AXIN1: variants seen among roughly 807,000 people sequenced by gnomAD.
The protein encoded by AXIN1 is axin 1, also known as axin-1.
A neutral mutation model predicts 76.4 loss-of-function variants in AXIN1; 30 were observed. The observed-to-expected ratio is 0.39, with a 90% CI of 0.29 to 0.53. The LOEUF (loss-of-function observed/expected upper bound fraction) is 0.53, where lower values mean the gene tolerates loss of function less well. Ranked by LOEUF, AXIN1 falls within the 20% of genes least tolerant of loss-of-function variation. AXIN1 has a pLI of 0.66. For synonymous variants in AXIN1, 545 were observed against 501.4 expected (o/e 1.09, Z -1.16); for missense variants, 1,140 against 1,198.8 (o/e 0.95, Z 0.72).
In AXIN1 at chr16:293,771, G is replaced by T; in HGVS notation, c.1956-53C>A. The T allele has an allele frequency of 6.4e-7, 1 of 1,551,246 alleles. No homozygotes were observed. The highest frequency in any genetic ancestry group is 8.9e-7 in the Non-Finnish European group (1 of 1,128,750). On this transcript the variant is annotated intron_variant, in intron 7 of 10. Transcript: ENST00000262320. The surrounding 1 kb of genome is among the most constrained non-coding windows in gnomAD (Gnocchi z 4.6). ...CTGTGGCCGACACCCTGGCCAGGTGGCCTGGTGGGGCTACACTCATCTCAC... is the reference window on the plus strand; with the variant it reads ...CTGTGGCCGACACCCTGGCCAGGTGTCCTGGTGGGGCTACACTCATCTCAC...
At chr16:297,274 C>A (rs2141504999) in intron 6 of AXIN1, 48 bp from the exon 7 acceptor site, 2 of 1,598,620 alleles carry the variant, frequency 1.3e-6, no homozygotes, top group Non-Finnish European at 1.7e-6. Context: ...GTGGCCGAGG[C>A]TGTGCCCCTT....
intron 4 of AXIN1, among the ~76,000 whole-genome samples, chr16:307,517 T>C (rs1398953332): frequency 6.6e-6 from 1 of 152,188 alleles, no homozygotes; most frequent in African/African-American, 2.4e-5. Context: ...CCCCAACCTT[T>C]TGGCACCAGG....
At position 342,886 on chromosome 16, in the gene AXIN1, C is replaced by A. The variant is rs533109612; in HGVS notation, c.878+3262G>T. On this transcript the variant is annotated intron_variant, in intron 2 of 10. Transcript: ENST00000262320. ...ACCTGAGGCTCTGCCTCAACAGTGC[C>A]CTTCAGGGTTGGGCTCAGGTGGGTG... Among the ~76,000 whole-genome samples, 195 of 152,362 alleles carry A rather than the reference C, an allele frequency of 1.3e-3. 1 individual carries two copies. Among genetic ancestry groups the A allele is most frequent in the South Asian group, 6.8e-3 (33 of 4,832 alleles).
chr16:298,326 T>C (rs2141517680), intron 5 of AXIN1, 75 bp from the exon 6 acceptor site: 1 of 1,531,524 alleles, frequency 6.5e-7, no homozygotes. Flanking sequence ...GCATCAGGCC[T>C]GACCCAGCAG....
At chr16:296,999 G>A (rs553315049) in intron 7 of AXIN1, 57 bp downstream of exon 7, 29 of 1,582,834 alleles carry the variant, frequency 1.8e-5, no homozygotes, top group African/African-American at 4.0e-5. Flanking sequence ...GAGACTGTGC[G>A]GAGGCCAGGG....
chr16:308,807 G>A (rs2053096823), intron 4 of AXIN1, among the ~76,000 whole-genome samples: 1 of 152,202 alleles, frequency 6.6e-6, no homozygotes, highest in Admixed American at 6.5e-5. Flanking sequence ...GACACCATCA[G>A]TGCCTAGTTT....
At position 287,846 on chromosome 16, in the gene AXIN1, G is replaced by T; in HGVS notation, c.*276C>A. 1.8e-6 allele frequency: 1 copy of T among 542,792 alleles called. No homozygotes were observed. The highest frequency in any genetic ancestry group is 3.3e-6 in the Non-Finnish European group (1 of 299,516). 33.6% of individuals were successfully genotyped at this position (542,792 alleles called of 1,614,324 possible). On this transcript the variant is annotated 3_prime_UTR_variant, in exon 11 of 11. Coordinates refer to ENST00000262320, the MANE Select transcript of AXIN1 (RefSeq NM_003502.4). ...GGGGGATGGGGGGGGGTCACCTGAA[G>T]CTGGCAGCAGGGACCTCGGCTGCCT...
chr16:340,825 G>A (rs1407578333), intron 2 of AXIN1, among the ~76,000 whole-genome samples: 2 of 152,218 alleles, frequency 1.3e-5, no homozygotes, highest in East Asian at 1.9e-4. Flanking sequence ...CTGAGACAAA[G>A]ACCTAAGCAG....
intron 2 of AXIN1, among the ~76,000 whole-genome samples, chr16:331,230 A>C (rs2053684253): frequency 6.9e-6 from 1 of 144,442 alleles, no homozygotes; most frequent in Admixed American, 7.1e-5. Context: ...AGTTAAGGTA[A>C]AAATTCTGTA....
At chr16:313,764 G>A (rs1446153520) in intron 3 of AXIN1, among the ~76,000 whole-genome samples, 1 of 152,264 alleles carries the variant, frequency 6.6e-6, no homozygotes, top group African/African-American at 2.4e-5. Context: ...CTAATGGCTG[G>A]GGTGTACATA....
intron 1 of AXIN1, among the ~76,000 whole-genome samples, chr16:348,756 C>T (rs966845499): frequency 2.6e-5 from 4 of 152,038 alleles, no homozygotes; most frequent in African/African-American, 9.7e-5. Context: ...GAGCTATAAT[C>T]GCACCCCACT....
At chr16:333,505 C>T (rs553572052) in intron 2 of AXIN1, among the ~76,000 whole-genome samples, 14 of 150,738 alleles carry the variant, frequency 9.3e-5, no homozygotes, top group South Asian at 4.2e-4. Flanking sequence ...TTCTTCAGCA[C>T]GATGAAAGAA....
chr16:297,967 G>A lies in AXIN1; in HGVS notation c.1539C>T (p.His513=), dbSNP rs1005870799. The part of the protein sequence containing the change: ...PVALGGAASG[H]GKHVPKSGAK... ...CCCCTGACTTGGGTACGTGCTTCCC[G>A]TGCCCCGAGGCGGCACCCCCCAGTG... is the stretch of plus-strand genomic sequence containing the variant. Residue 513 remains histidine (H), a synonymous_variant, in exon 6 of 11, where the codon CAC becomes CAT. Transcript: ENST00000262320. 5 of 1,602,054 alleles carry A rather than the reference G, an allele frequency of 3.1e-6. No individual in the cohort carries two copies. Among genetic ancestry groups the A allele is most frequent in the Admixed American group, 1.7e-5 (1 of 59,820 alleles).
chr16:291,269 G>A lies in AXIN1; in HGVS notation c.2215C>T (p.Arg739Cys), dbSNP rs371093196. ...GCGCACGCTGGCCTGACGCAGGCGC[G>A]TCCCCGCCGCATAACCTCCTGCACA... Reference protein sequence around the residue: ...RYVQEVMRRGRACVRPACAPV... With the variant: ...RYVQEVMRRGCACVRPACAPV... The change falls in exon 9 of 11, where the codon CGC becomes TGC. Residue 739 changes from arginine to cysteine, a missense_variant. By Grantham distance (180) the Arg-to-Cys change is radical. Coordinates refer to ENST00000262320, the MANE Select transcript of AXIN1 (RefSeq NM_003502.4). The A allele has an allele frequency of 7.7e-5, 122 of 1,578,918 alleles. No homozygotes were observed. The East Asian group carries it at 1.7e-3, about 22-fold the overall frequency.
Position 303,836 on chromosome 16 carries a change from C to G in AXIN1, c.1254+468G>C, listed in dbSNP as rs565695897. Among the ~76,000 whole-genome samples, 5 of 152,356 alleles carry G rather than the reference C, an allele frequency of 3.3e-5. No individual in the cohort carries two copies. The South Asian group carries it at 1.0e-3, about 32-fold the overall frequency. On this transcript the variant is annotated intron_variant, in intron 5 of 10. Transcript: ENST00000262320. The stretch of plus-strand genomic sequence containing the variant: ...CACAAGTGCCTAGAGGGCCGTGCAC[C>G]ATGGCCTCAAGGAACCAAAAGTGAC...
intron 2 of AXIN1, among the ~76,000 whole-genome samples, chr16:315,967 C>T (rs560842290): frequency 6.2e-4 from 93 of 150,832 alleles, no homozygotes; most frequent in Middle Eastern, 3.4e-3. Context: ...GCAAGAGAAT[C>T]GCTTGAACCC....
At chr16:343,782 G>C (rs2053976203) in intron 2 of AXIN1, among the ~76,000 whole-genome samples, 1 of 151,890 alleles carries the variant, frequency 6.6e-6, no homozygotes, top group Non-Finnish European at 1.5e-5. Context: ...GGGAGGCTGA[G>C]ATCACTGGAG....
At position 346,422 on chromosome 16, in the gene AXIN1, G is replaced by C. The variant is rs2054035868; in HGVS notation, c.604C>G (p.Leu202Val). Reference sequence around the variant, plus strand: ...TATTCCAAATAAATATCAGACTTAAGGAAGGAGGGATAGGTGTTTTCCTCC... The same window carrying C: ...TATTCCAAATAAATATCAGACTTAACGAAGGAGGGATAGGTGTTTTCCTCC... The part of the protein sequence containing the change: ...TMEENTYPSF[L>V]KSDIYLEYTR... The change falls in exon 2 of 11, where the codon CTT (leucine) becomes GTT (valine). Residue 202 changes from leucine to valine, a missense_variant. Physicochemically the swap from Leu to Val is conservative, Grantham distance 32. Around this residue, in one of 3 missense-constraint regions of AXIN1, gnomAD observed 708 missense variants for 776.9 expected, o/e 0.91. Transcript: ENST00000262320. 2 of 1,614,066 alleles carry C rather than the reference G, an allele frequency of 1.2e-6. No individual in the cohort carries two copies. Among genetic ancestry groups the C allele is most frequent in the Non-Finnish European group, 1.7e-6 (2 of 1,180,052 alleles).
At chr16:324,129 C>T (rs1409174128) in intron 2 of AXIN1, among the ~76,000 whole-genome samples, 4 of 150,022 alleles carry the variant, frequency 2.7e-5, no homozygotes, top group African/African-American at 7.5e-5. Flanking sequence ...CGGGACCGTC[C>T]GCACTGACCA....
Sources: allele counts gnomAD v4.1 joint callset (sites outside exome capture counted in the v4.1 genomes callset), GRCh38; gene constraint gnomAD v4.1.1; regional missense constraint gnomAD v4.1.1; non-coding constraint Gnocchi (gnomAD v3.1); transcripts MANE v1.5; gene names NCBI Gene and HGNC (gene_info 2026-07-23, HGNC 2026-07-21).